Variants in GARNL3 observed in about 807,000 individuals in gnomAD.
The protein encoded by GARNL3 is GTPase activating Rap/RanGAP domain like 3.
A neutral mutation model predicts 125.0 loss-of-function variants in GARNL3; 63 were observed. That is an observed-to-expected ratio of 0.50 (90% CI 0.41 to 0.62). The LOEUF (loss-of-function observed/expected upper bound fraction) is 0.62. Ranked by LOEUF, GARNL3 falls within the 20% of genes least tolerant of loss-of-function variation. The pLI, the probability that GARNL3 is intolerant of heterozygous loss-of-function variation, is 0.00. For missense variants in GARNL3, 994 were observed against 1,244.0 expected, an observed-to-expected ratio of 0.80 and a Z score of 3.02; for synonymous variants, 439 against 457.5, an observed-to-expected ratio of 0.96 and a Z score of 0.52.
rs4837139 is a variant in GARNL3 at position 127,241,927 on chromosome 9, C to T, written c.-28-1152C>T. Among the ~76,000 whole-genome samples, 236 of 150,572 alleles carry T rather than the reference C, an allele frequency of 1.6e-3. 1 individual carries two copies. The highest frequency in any genetic ancestry group is 0.012 in the Admixed American group (182 of 15,204). ...GGATTACAGGCGTGAGCCACTATGC[C>T]CGGCCTGGTTTGTTGTTGTTGTTGT... On this transcript the variant is annotated intron_variant, in intron 1 of 10. Coordinates refer to the GARNL3 transcript ENST00000439286.
At chr9:127,251,776 C>G (rs1181675889) in intron 2 of GARNL3, among the ~76,000 whole-genome samples, 1 of 152,146 alleles carries the variant, frequency 6.6e-6, no homozygotes, top group South Asian at 2.1e-4. Flanking sequence ...ACCACTTTGG[C>G]AAAAGGATTA....
At chr9:127,238,876 T>G (rs912751587) in intron 1 of GARNL3, among the ~76,000 whole-genome samples, 1 of 152,196 alleles carries the variant, frequency 6.6e-6, no homozygotes, top group African/African-American at 2.4e-5. Flanking sequence ...TCCTGGGTCG[T>G]GTACCCACTA....
Position 127,291,192 on chromosome 9 carries a change from G to A in GARNL3, c.169G>A (p.Ala57Thr). The A allele has an allele frequency of 6.2e-7, 1 of 1,614,130 alleles. No individual in the cohort carries two copies. Among genetic ancestry groups the A allele is most frequent in the Non-Finnish European group, 8.5e-7 (1 of 1,179,996 alleles). ...ELLISSDADG[A>T]IQRAGRFRVE... ...GCTTATTTCCAGTGATGCTGATGGA[G>A]CCATCCAAAGGGCTGGAAGATTCAG... Residue 57 changes from alanine to threonine, a missense_variant, in exon 2 of 28, where the codon GCC (alanine) becomes ACC (threonine). By Grantham distance (58) the Ala-to-Thr change is moderately conservative. This residue lies in a region of GARNL3 where 139 missense variants were observed against 231.6 expected (regional missense o/e 0.60). Coordinates refer to ENST00000373387, the MANE Select transcript of GARNL3 (RefSeq NM_032293.5).
chr9:127,322,282 C>T (rs1190698967), intron 6 of GARNL3, among the ~76,000 whole-genome samples: 3 of 152,096 alleles, frequency 2.0e-5, no homozygotes, highest in African/African-American at 7.2e-5. Context: ...AGACACGGAG[C>T]CCCAAAACCC....
intron 2 of GARNL3, among the ~76,000 whole-genome samples, chr9:127,294,914 C>T (rs559143606): frequency 6.6e-6 from 1 of 152,142 alleles, no homozygotes; most frequent in African/African-American, 2.4e-5. Context: ...ATTTTGGTAA[C>T]TACTGTGGCA....
chr9:127,357,277 A>G lies in GARNL3; in HGVS notation c.1994A>G (p.Glu665Gly). ...VMTLVDGPAE[E>G]SDNLICVAYR... Reference sequence around the variant, plus strand: ...ACCTTAGTGGATGGGCCAGCTGAAGAGAGTGACAATCTCATCTGTGTGGCT... The same window carrying G: ...ACCTTAGTGGATGGGCCAGCTGAAGGGAGTGACAATCTCATCTGTGTGGCT... Residue 665 changes from glutamate to glycine, a missense_variant, in exon 21 of 28, where the codon GAG becomes GGG. Transcript: ENST00000373387. 6.2e-7 allele frequency: 1 copy of G among 1,614,226 alleles called. No individual in the cohort carries two copies. The highest frequency in any genetic ancestry group is 8.5e-7 in the Non-Finnish European group (1 of 1,180,016).
At chr9:127,353,319 A>G (rs1830509060) in intron 17 of GARNL3, among the ~76,000 whole-genome samples, 1 of 152,228 alleles carries the variant, frequency 6.6e-6, no homozygotes, top group Non-Finnish European at 1.5e-5. Context: ...TACTACTGCT[A>G]CAAACACGGG....
intron 22 of GARNL3, among the ~76,000 whole-genome samples, chr9:127,368,249 C>T (rs909541901): frequency 1.3e-5 from 2 of 151,072 alleles, no homozygotes; most frequent in Admixed American, 6.6e-5. Context: ...AAGGTGACTG[C>T]GTATGTCTGA....
At chr9:127,246,016 A>G (rs2063297432) in intron 2 of GARNL3, among the ~76,000 whole-genome samples, 1 of 152,260 alleles carries the variant, frequency 6.6e-6, no homozygotes, top group East Asian at 1.9e-4. Flanking sequence ...AAGTTGACCA[A>G]GCACCAAGTT....
At chr9:127,331,719 G>GTTTTTTTTTTTTTTTTTTTTTTTTT in intron 7 of GARNL3, among the ~76,000 whole-genome samples, 1 of 10,278 alleles carries the variant, frequency 9.7e-5, no homozygotes, top group South Asian at 4.0e-3. Flanking sequence ...GCTTGGGCTT[G>GTTTTTTTTTTTTTTTTTTTTTTTTT]CTTTTTTTTT....
At chr9:127,311,946 A>G (rs891365071) in intron 3 of GARNL3, among the ~76,000 whole-genome samples, 1 of 152,144 alleles carries the variant, frequency 6.6e-6, no homozygotes, top group African/African-American at 2.4e-5. Context: ...TCCTTTTTTT[A>G]TGGACAGTCA....
intron 6 of GARNL3, among the ~76,000 whole-genome samples, chr9:127,322,492 T>G (rs905801496): frequency 6.6e-6 from 1 of 152,260 alleles, no homozygotes; most frequent in Non-Finnish European, 1.5e-5. Flanking sequence ...ACTTTTATGC[T>G]TTCCTACATT....
intron 21 of GARNL3, among the ~76,000 whole-genome samples, chr9:127,359,833 G>T (rs1588929239): frequency 6.6e-6 from 1 of 151,882 alleles, no homozygotes; most frequent in Non-Finnish European, 1.5e-5. Flanking sequence ...ATTCATTATA[G>T]GATTTCTTTT....
At chr9:127,241,266 C>G (rs1172633411) in intron 1 of GARNL3, among the ~76,000 whole-genome samples, 1 of 151,862 alleles carries the variant, frequency 6.6e-6, no homozygotes, top group Non-Finnish European at 1.5e-5. Flanking sequence ...CAAGTATTAT[C>G]TTTGTAATTA....
intron 13 of GARNL3, 68 bp from the exon 14 acceptor site, chr9:127,342,151 T>A: frequency 9.9e-7 from 1 of 1,012,496 alleles, no homozygotes. Flanking sequence ...CAGACAAGCA[T>A]AGTTTCAATT....
chr9:127,289,356 TACA>T (rs762429617), intron 1 of GARNL3, among the ~76,000 whole-genome samples: 2 of 152,206 alleles, frequency 1.3e-5, no homozygotes, highest in Non-Finnish European at 2.9e-5. Flanking sequence ...TATGATTTAT[TACA>T]ACAAAAGGAT....
At position 127,364,204 on chromosome 9, in the gene GARNL3, T is replaced by C. The variant is rs1831161689; in HGVS notation, c.2095-1096T>C. On this transcript the variant is annotated intron_variant, in intron 21 of 27. Coordinates refer to ENST00000373387, the MANE Select transcript of GARNL3 (RefSeq NM_032293.5). This position sits in a 1 kb window ranked among gnomAD's most constrained non-coding sequence, Gnocchi z 4.2. ...GGGCTGCAGCCCTGGGGAGAATGTG[T>C]GCCTGAGCCCGTGAATTTAGGGTTT... 1 of 152,214 alleles carries C rather than the reference T, an allele frequency of 6.6e-6. No homozygotes were observed. 9.4% of individuals were successfully genotyped at this position (152,214 alleles called of 1,614,324 possible).
chr9:127,339,768 A>G lies in GARNL3; in HGVS notation c.1135+17A>G. On this transcript the variant is annotated intron_variant, in intron 13 of 27. Transcript: ENST00000373387. ...TAGTGAAATGTAAGTTTCTGTTTTG[A>G]AACAATTTTGCAACTTGTTCTATGT... 6.5e-7 allele frequency: 1 copy of G among 1,534,326 alleles called. No homozygotes were observed.
rs373384234 is a variant in GARNL3, at chr9:127,301,979, C to T, written c.220-9657C>T. ...TTTTTGAGACAGAGTCTCGCTCTGT[C>T]GCCCAGGCTGGAGTGTGCAGTGGCG... is the stretch of plus-strand genomic sequence containing the variant. On this transcript the variant is annotated intron_variant, in intron 2 of 27. Coordinates refer to ENST00000373387, the MANE Select transcript of GARNL3 (RefSeq NM_032293.5). 5.8e-5 allele frequency among the ~76,000 whole-genome samples: 8 copies of T among 136,852 alleles called. No individual in the cohort carries two copies. The East Asian group carries it at 1.1e-3, about 19-fold the overall frequency. 89.8% of individuals were successfully genotyped at this position (136,852 alleles called of 152,430 possible).
Sources: allele counts gnomAD v4.1 joint callset (sites outside exome capture counted in the v4.1 genomes callset), GRCh38; gene constraint gnomAD v4.1.1; regional missense constraint gnomAD v4.1.1; non-coding constraint Gnocchi (gnomAD v3.1); transcripts MANE v1.5; gene names NCBI Gene and HGNC (gene_info 2026-07-23, HGNC 2026-07-21).